KIF16B: variants seen among roughly 807,000 people sequenced by gnomAD.
KIF16B encodes kinesin family member 16B.
A neutral mutation model predicts 156.3 loss-of-function variants in KIF16B; 98 were observed. The observed-to-expected ratio is 0.63, with a 90% CI of 0.53 to 0.74. The LOEUF (loss-of-function observed/expected upper bound fraction) is 0.74, where lower values mean the gene tolerates loss of function less well. KIF16B is among the 30% of genes least tolerant of loss of function. The pLI is 0.00. For synonymous variants in KIF16B, 564 were observed against 583.7 expected, an observed-to-expected ratio of 0.97 and a Z score of 0.49; for missense variants, 1,421 against 1,606.5, an observed-to-expected ratio of 0.88 and a Z score of 1.97.
At chr20:16,478,225 T>C (rs1056372374) in intron 12 of KIF16B, among the ~76,000 whole-genome samples, 1 of 152,160 alleles carries the variant, frequency 6.6e-6, no homozygotes, top group African/African-American at 2.4e-5. Context: ...ATTTTTTCCA[T>C]ACCTTCAGGA....
At chr20:16,323,754 G>A (rs1004259726) in intron 24 of KIF16B, among the ~76,000 whole-genome samples, 9 of 151,838 alleles carry the variant, frequency 5.9e-5, no homozygotes, top group African/African-American at 2.2e-4. Flanking sequence ...AGAATTCATT[G>A]TTGGTGGTCA....
chr20:16,447,269 G>GATTGT lies in KIF16B; in HGVS notation c.1303-17288_1303-17287insACAAT, dbSNP rs544167855. Among the ~76,000 whole-genome samples, 632 of 151,802 alleles carry GATTGT rather than the reference G, an allele frequency of 4.2e-3. 5 individuals carry two copies. The highest frequency in any genetic ancestry group is 0.015 in the African/African-American group (603 of 41,384). ...TTAGCCAAGGAACTAGACAATTGCA[G>GATTGT]CTAAGTAATAAATCAGACTCATTCT... On this transcript the variant is annotated intron_variant, in intron 12 of 25. Coordinates refer to ENST00000354981, the MANE Select transcript of KIF16B (RefSeq NM_024704.5).
rs2064767527 is a variant in KIF16B, at chr20:16,369,603, C to T, written c.3498+983G>A. Among the ~76,000 whole-genome samples the T allele has an allele frequency of 1.3e-5, 2 of 152,110 alleles. 1 individual carries two copies. The highest frequency in any genetic ancestry group is 4.8e-5 in the African/African-American group (2 of 41,418). On this transcript the variant is annotated intron_variant, in intron 22 of 25. Coordinates refer to ENST00000354981, the MANE Select transcript of KIF16B (RefSeq NM_024704.5). ...CCCTCTGATTCAATGTTTAGAAGGTCAAATTTAGTTATGAAAATAAGTCCA... is the reference window on the plus strand; with the variant it reads ...CCCTCTGATTCAATGTTTAGAAGGTTAAATTTAGTTATGAAAATAAGTCCA...
intron 25 of KIF16B, among the ~76,000 whole-genome samples, chr20:16,304,279 G>A (rs1156661358): frequency 6.6e-6 from 1 of 152,108 alleles, no homozygotes; most frequent in Non-Finnish European, 1.5e-5. Flanking sequence ...CCTCCAATTG[G>A]AGACTCTCGC....
At chr20:16,396,874 G>A (rs1230980996) in intron 17 of KIF16B, among the ~76,000 whole-genome samples, 1 of 148,282 alleles carries the variant, frequency 6.7e-6, no homozygotes, top group Non-Finnish European at 1.5e-5. Flanking sequence ...TCCTTCAATG[G>A]CTCACCAGAA....
At chr20:16,573,090 G>T in intron 1 of KIF16B, 139 bp downstream of exon 1, 1 of 762,288 alleles carries the variant, frequency 1.3e-6, no homozygotes. Flanking sequence ...CAGGCCCCCA[G>T]AGGCCACAGC....
At chr20:16,405,221 C>A (rs1453148312) in intron 16 of KIF16B, among the ~76,000 whole-genome samples, 1 of 152,146 alleles carries the variant, frequency 6.6e-6, no homozygotes, top group Non-Finnish European at 1.5e-5. Context: ...TTGCCATCCT[C>A]CATTACCTGG....
chr20:16,293,029 T>C (rs2063335132), intron 25 of KIF16B, among the ~76,000 whole-genome samples: 2 of 151,658 alleles, frequency 1.3e-5, no homozygotes, highest in South Asian at 2.1e-4. Context: ...ACGACAGAGA[T>C]AGAAAATACA....
intron 17 of KIF16B, among the ~76,000 whole-genome samples, chr20:16,394,653 G>A (rs562479914): frequency 6.6e-6 from 1 of 152,056 alleles, no homozygotes; most frequent in African/African-American, 2.4e-5. Context: ...CTAAAACACA[G>A]GCTAACTACC....
intron 12 of KIF16B, among the ~76,000 whole-genome samples, chr20:16,431,909 C>T (rs978040243): frequency 5.9e-5 from 8 of 134,946 alleles, no homozygotes; most frequent in South Asian, 2.5e-4. Context: ...TATATGTATA[C>T]GTATACACAC....
At chr20:16,478,353 TG>T (rs1255410334) in intron 12 of KIF16B, among the ~76,000 whole-genome samples, 1 of 152,100 alleles carries the variant, frequency 6.6e-6, no homozygotes. Context: ...GCAGGGCAGG[TG>T]GGAATGCAAA....
chr20:16,515,058 G>A (rs971542809), intron 4 of KIF16B, among the ~76,000 whole-genome samples: 3 of 151,794 alleles, frequency 2.0e-5, no homozygotes, highest in Non-Finnish European at 4.4e-5. Flanking sequence ...ACTGCATACG[G>A]TGTGTTTATA....
intron 23 of KIF16B, among the ~76,000 whole-genome samples, chr20:16,338,227 C>T (rs2064076424): frequency 6.6e-6 from 1 of 152,102 alleles, no homozygotes; most frequent in Non-Finnish European, 1.5e-5. Context: ...ACTGTCTTCT[C>T]CCCCCACACT....
At chr20:16,309,405 G>C (rs376350210) in intron 25 of KIF16B, among the ~76,000 whole-genome samples, 1 of 152,136 alleles carries the variant, frequency 6.6e-6, no homozygotes, top group East Asian at 1.9e-4. Context: ...CCCACCACCA[G>C]ACACATAACC....
At chr20:16,454,515 T>C (rs1390867385) in intron 12 of KIF16B, among the ~76,000 whole-genome samples, 1 of 151,914 alleles carries the variant, frequency 6.6e-6, no homozygotes, top group East Asian at 1.9e-4. Flanking sequence ...GTTGTCCCCG[T>C]AGATAACCAT....
chr20:16,460,972 A>G (rs1192664509), intron 12 of KIF16B, among the ~76,000 whole-genome samples: 1 of 152,164 alleles, frequency 6.6e-6, no homozygotes, highest in African/African-American at 2.4e-5. Context: ...GAATCTAAAT[A>G]GAAATAAAAT....
At chr20:16,421,350 T>C (rs915861010) in intron 15 of KIF16B, among the ~76,000 whole-genome samples, 2 of 152,180 alleles carry the variant, frequency 1.3e-5, no homozygotes, top group Non-Finnish European at 2.9e-5. Context: ...ACAGATACAG[T>C]TGAAAATCCT....
intron 1 of KIF16B, among the ~76,000 whole-genome samples, chr20:16,570,034 C>T (rs1213531705): frequency 6.6e-6 from 1 of 152,112 alleles, no homozygotes; most frequent in Non-Finnish European, 1.5e-5. Context: ...CTTTACTCCA[C>T]TGTGGATATC....
intron 3 of KIF16B, among the ~76,000 whole-genome samples, chr20:16,517,546 A>G (rs1239424591): frequency 6.6e-6 from 1 of 152,218 alleles, no homozygotes; most frequent in Non-Finnish European, 1.5e-5. Flanking sequence ...AGGGAGTGCC[A>G]GAGCTGGGAC....
Sources: gnomAD v4.1 joint callset for allele counts (sites outside exome capture counted in the v4.1 genomes callset) on GRCh38, gnomAD v4.1.1 for gene constraint, MANE v1.5 for transcripts, NCBI Gene and HGNC (gene_info 2026-07-23, HGNC 2026-07-21) for gene names.